The following CACTIN variants were observed in gnomAD, a reference collection of about 807,000 sequenced individuals.
The protein encoded by CACTIN is splicing factor Cactin.
Under a neutral mutation model 84.9 loss-of-function variants are expected in CACTIN, and 20 were observed. The observed-to-expected ratio is 0.24, with a 90% CI of 0.17 to 0.34. CACTIN has a LOEUF of 0.34. Among genes scored for constraint, CACTIN ranks in the 10% least tolerant of loss-of-function variants. CACTIN has a pLI of 1.00. For synonymous variants in CACTIN, 549 were observed against 467.9 expected, an observed-to-expected ratio of 1.17 and a Z score of -2.24; for missense variants, 897 against 1,117.2, an observed-to-expected ratio of 0.80 and a Z score of 2.81.
Position 3,623,453 on chromosome 19 carries a change from C to T in CACTIN, c.642+235G>A, listed in dbSNP as rs192981831. ...CTGAGGCAGGAGAATGGCATGAACC[C>T]GGGAGGTGGAGCTTGCAGTGAGCCG... On this transcript the variant is annotated intron_variant, in intron 2 of 9. Coordinates refer to ENST00000429344, the MANE Select transcript of CACTIN (RefSeq NM_001080543.2). Among the ~76,000 whole-genome samples, 367 of 150,574 alleles carry T rather than the reference C, an allele frequency of 2.4e-3. 1 individual carries two copies. The highest frequency in any genetic ancestry group is 8.5e-3 in the African/African-American group (348 of 40,932).
rs550122054 is a variant in CACTIN, at chr19:3,612,513, A to G, written c.1787-100T>C. 2.0e-5 allele frequency: 29 copies of G among 1,440,928 alleles called. 1 individual carries two copies. The South Asian group carries it at 4.2e-4, about 21-fold the overall frequency. The allele number at this position is 1,440,928 out of a possible 1,614,324, so 89.3% of individuals were successfully genotyped here. A position where few individuals can be genotyped will look rare whatever the true frequency, so the allele number is the denominator to read the frequency against. ...GGGGCGGCCGCTGGTGCCTCCCGCA[A>G]AAGGAAAACAGGCTGGGGCGAGCTA... On this transcript the variant is annotated intron_variant, in intron 9 of 9. Transcript: ENST00000429344.
intron 6 of CACTIN, chr19:3,614,921 A>C: frequency 2.5e-6 from 1 of 403,198 alleles, no homozygotes; most frequent in Non-Finnish European, 4.7e-6. Flanking sequence ...TGGGAACCCT[A>C]GTTGTGGGCC....
chr19:3,612,295 G>A lies in CACTIN; in HGVS notation c.1905C>T (p.Ala635=), dbSNP rs2032978269. ...GCGGCTTGCGTGGCCGGTACTTGTC[G>A]GCCCACAGGTAGGCCTTGCCGGTGA... ...MPLTGKAYLW[A]DKYRPRKPRF... Residue 635 remains alanine, a synonymous_variant, in exon 10 of 10, where the codon GCC becomes GCT. Coordinates refer to ENST00000429344, the MANE Select transcript of CACTIN (RefSeq NM_001080543.2). The A allele has an allele frequency of 1.2e-6, 2 of 1,612,982 alleles. No individual in the cohort carries two copies.
intron 1 of CACTIN, among the ~76,000 whole-genome samples, chr19:3,626,325 TATG>T (rs1315872914): frequency 1.3e-5 from 2 of 152,232 alleles, no homozygotes; most frequent in Non-Finnish European, 2.9e-5. Flanking sequence ...CAGGGCTCGA[TATG>T]ATATGATCTG....
rs1439805978 is a variant in CACTIN, at chr19:3,626,734, C to T, written c.29G>A (p.Arg10Gln). The part of the protein sequence containing the change: MGRDTRSRS[R>Q]SAGRRGRRRQ... ...CCTTCGGCCCCGGCGACCCGCGGAC[C>T]GCGAGCGCGAGCGTGTGTCCCGACC... Residue 10 changes from arginine (R) to glutamine (Q), a missense_variant, in exon 1 of 10, where the codon CGG becomes CAG. By Grantham distance (43) the Arg-to-Gln change is conservative. This residue lies in a region of CACTIN where 261 missense variants were observed against 243.8 expected (regional missense o/e 1.07). Coordinates refer to ENST00000429344, the MANE Select transcript of CACTIN (RefSeq NM_001080543.2). The T allele has an allele frequency of 4.0e-6, 6 of 1,488,836 alleles. No individual in the cohort carries two copies. Among genetic ancestry groups the T allele is most frequent in the South Asian group, 1.3e-5 (1 of 78,292 alleles). 92.2% of individuals were successfully genotyped at this position (1,488,836 alleles called of 1,614,324 possible).
Position 3,619,118 on chromosome 19 carries a change from T to C in CACTIN, c.1009A>G (p.Thr337Ala). 2.5e-6 allele frequency: 4 copies of C among 1,587,862 alleles called. No homozygotes were observed. Among genetic ancestry groups the C allele is most frequent in the Non-Finnish European group, 3.4e-6 (4 of 1,167,996 alleles). ...AGCAGGTCCTCCATGTCGGCCACGG[T>C]GAGGCCGTTGAGGAACGTGTAGGGC... ...HEPYTFLNGLTVADMEDLLED... is the reference protein window; with the variant it reads ...HEPYTFLNGLAVADMEDLLED... Residue 337 changes from threonine to alanine, a missense_variant, in exon 5 of 10, where the codon ACC (threonine) becomes GCC (alanine). Around this residue, in one of 8 missense-constraint regions of CACTIN, gnomAD observed 304 missense variants for 444.3 expected, o/e 0.68. Transcript: ENST00000429344.
chr19:3,618,826 CTG>C, intron 6 of CACTIN, 47 bp downstream of exon 6: 1 of 1,410,860 alleles, frequency 7.1e-7, no homozygotes, highest in South Asian at 1.3e-5. Context: ...TGGGTGAACA[CTG>C]TAGCCCCCGC....
At chr19:3,618,807 T>A in intron 6 of CACTIN, 68 bp downstream of exon 6, 1 of 1,277,904 alleles carries the variant, frequency 7.8e-7, no homozygotes. Context: ...ACAGCAAGTC[T>A]GAGGCTTCTG....
rs936410365 is a variant in CACTIN, at chr19:3,620,416, G to A, written c.739-144C>T. 6.0e-6 allele frequency: 6 copies of A among 993,866 alleles called. No individual in the cohort carries two copies. In the African/African-American group the frequency reaches 9.6e-5, roughly 16 times the overall value. The allele number at this position is 993,866 out of a possible 1,614,324, so 61.6% of individuals were successfully genotyped here. ...CCGGAGATGCCTGGGCTGGTGGACA[G>A]ACCTTGGGAAGGGAGAGGGCCCTCC... On this transcript the variant is annotated intron_variant, in intron 3 of 9. Transcript: ENST00000429344.
chr19:3,612,026 T>C lies in CACTIN; in HGVS notation c.2174A>G (p.Asn725Ser). The C allele has an allele frequency of 1.9e-6, 3 of 1,613,702 alleles. No homozygotes were observed. Among genetic ancestry groups the C allele is most frequent in the South Asian group, 1.1e-5 (1 of 91,086 alleles). Residue 725 changes from asparagine (N) to serine (S), a missense_variant, in exon 10 of 10, where the codon AAC becomes AGC. Physicochemically the swap from Asn to Ser is conservative, Grantham distance 46. Coordinates refer to ENST00000429344, the MANE Select transcript of CACTIN (RefSeq NM_001080543.2). ...GCGGTGCGAGTATTCCCACTCGCGGTTGACGATCTTGAAAGCGATGTCCTC... is the reference window on the plus strand; with the variant it reads ...GCGGTGCGAGTATTCCCACTCGCGGCTGACGATCTTGAAAGCGATGTCCTC... ...PYEDIAFKIVNREWEYSHRHG... is the reference protein window; with the variant it reads ...PYEDIAFKIVSREWEYSHRHG...
At position 3,626,773 on chromosome 19, in the gene CACTIN, A is replaced by C. The variant is rs17674528; in HGVS notation, c.-11T>G. Reference sequence around the variant, plus strand: ...TGTGTCCCGACCCATCGGCTGGGCCAGTGGCCGCGGCACCAACACCAATAG... The same window carrying C: ...TGTGTCCCGACCCATCGGCTGGGCCCGTGGCCGCGGCACCAACACCAATAG... On this transcript the variant is annotated 5_prime_UTR_variant, in exon 1 of 10. Transcript: ENST00000429344. 22 of 1,375,294 alleles carry C rather than the reference A, an allele frequency of 1.6e-5. No individual in the cohort carries two copies. The highest frequency in any genetic ancestry group is 2.1e-5 in the Non-Finnish European group (22 of 1,062,172). 85.2% of individuals were successfully genotyped at this position (1,375,294 alleles called of 1,614,324 possible).
intron 1 of CACTIN, among the ~76,000 whole-genome samples, chr19:3,625,480 A>T (rs972734546): frequency 6.6e-6 from 1 of 152,232 alleles, no homozygotes; most frequent in African/African-American, 2.4e-5. Flanking sequence ...CTGTAATCCC[A>T]GCACTTTGGG....
intron 1 of CACTIN, 51 bp downstream of exon 1, chr19:3,626,545 G>T (rs1599898594): frequency 1.5e-6 from 2 of 1,312,666 alleles, no homozygotes; most frequent in South Asian, 2.0e-5. Context: ...TCGGTCGGGC[G>T]CTCCTGAGGT....
At chr19:3,617,031 G>A (rs994721815) in intron 6 of CACTIN, among the ~76,000 whole-genome samples, 15 of 152,214 alleles carry the variant, frequency 9.9e-5, no homozygotes, top group African/African-American at 3.4e-4. Flanking sequence ...TGAGGCAGGA[G>A]AATCGCTTGA....
chr19:3,614,965 C>T, intron 6 of CACTIN: 1 of 355,388 alleles, frequency 2.8e-6, no homozygotes, highest in Non-Finnish European at 5.4e-6. Flanking sequence ...CTGCCCTGGC[C>T]TTGGGCAGTC....
intron 4 of CACTIN, among the ~76,000 whole-genome samples, chr19:3,619,474 G>A (rs900448508): frequency 2.0e-5 from 3 of 152,210 alleles, no homozygotes; most frequent in African/African-American, 4.8e-5. Context: ...GCGTGGACCC[G>A]GAGGTGGGCC....
Position 3,626,620 on chromosome 19 carries a change from C to G in CACTIN, c.143G>C (p.Arg48Pro), listed in dbSNP as rs1411849576. The G allele has an allele frequency of 2.0e-6, 3 of 1,525,654 alleles. No individual in the cohort carries two copies. Among genetic ancestry groups the G allele is most frequent in the Admixed American group, 3.8e-5 (2 of 52,330 alleles). 94.5% of individuals were successfully genotyped at this position (1,525,654 alleles called of 1,614,324 possible). A position where few individuals can be genotyped will look rare whatever the true frequency, so the allele number is the denominator to read the frequency against. ...CCTGCGCTCCCGGCTCCGCCGCCTC[C>G]GTCTGCGCCGTCCCTCGTCCTCCCG... is the stretch of plus-strand genomic sequence containing the variant. Reference protein sequence around the residue: ...RRREDEGRRRRRRRSRERRSD... With the variant: ...RRREDEGRRRPRRRSRERRSD... The change falls in exon 1 of 10, where the codon CGG becomes CCG. Residue 48 changes from arginine (R) to proline (P), a missense_variant. Coordinates refer to ENST00000429344, the MANE Select transcript of CACTIN (RefSeq NM_001080543.2).
intron 6 of CACTIN, 130 bp from the exon 7 acceptor site, chr19:3,614,719 G>A: frequency 1.4e-6 from 1 of 718,120 alleles, no homozygotes; most frequent in South Asian, 1.7e-5. Flanking sequence ...GTCCCATCCA[G>A]TCCCGCCACC....
chr19:3,612,745 C>G, intron 9 of CACTIN: 1 of 697,624 alleles, frequency 1.4e-6, no homozygotes, highest in Non-Finnish European at 2.6e-6. Flanking sequence ...GGTCCTGGCC[C>G]AGGGGTTTTC....
Sources: gnomAD v4.1 joint callset for allele counts (sites outside exome capture counted in the v4.1 genomes callset) on GRCh38, gnomAD v4.1.1 for gene constraint, gnomAD v4.1.1 regional missense constraint, MANE v1.5 for transcripts, NCBI Gene and HGNC (gene_info 2026-07-23, HGNC 2026-07-21) for gene names.